Variants in ANKS1B observed in about 807,000 individuals in gnomAD.
The protein encoded by ANKS1B is ankyrin repeat and sterile alpha motif domain containing 1B.
ANKS1B carries 36 observed loss-of-function variants against 148.3 expected under a neutral mutation model. That is an observed-to-expected ratio of 0.24 (90% CI 0.19 to 0.32). ANKS1B has a LOEUF of 0.32. Among genes scored for constraint, ANKS1B ranks in the 10% least tolerant of loss-of-function variants. The probability of loss-of-function intolerance (pLI) is 1.00; values close to 1 mark genes in which losing one functional copy is unlikely to be tolerated. For missense variants in ANKS1B, 1,157 were observed against 1,542.6 expected (o/e 0.75, Z 4.19); for synonymous variants, 542 against 560.8 (o/e 0.97, Z 0.47).
At chr12:99,941,272 TAAG>T (rs2094911606) in intron 1 of ANKS1B, among the ~76,000 whole-genome samples, 1 of 151,984 alleles carries the variant, frequency 6.6e-6, no homozygotes, top group Admixed American at 6.6e-5. Flanking sequence ...TGGTTGGAAA[TAAG>T]GAGTCACTGA....
chr12:99,014,496 T>C (rs1426798366), intron 17 of ANKS1B, among the ~76,000 whole-genome samples: 3 of 152,102 alleles, frequency 2.0e-5, no homozygotes, highest in African/African-American at 4.8e-5. Flanking sequence ...TCAAAAGCAA[T>C]TGCAACAAAA....
chr12:99,933,404 T>G (rs1039214119), intron 1 of ANKS1B, among the ~76,000 whole-genome samples: 2 of 152,144 alleles, frequency 1.3e-5, no homozygotes, highest in Non-Finnish European at 2.9e-5. Context: ...CATGAAATAT[T>G]TTTCCATTTT....
chr12:98,779,795 T>G (rs984027830), intron 24 of ANKS1B, among the ~76,000 whole-genome samples: 3 of 152,218 alleles, frequency 2.0e-5, no homozygotes, highest in African/African-American at 7.2e-5. Context: ...TCAATCAGCA[T>G]TGTTCTTATT....
chr12:98,942,477 C>T (rs958439689), intron 17 of ANKS1B, among the ~76,000 whole-genome samples: 9 of 152,102 alleles, frequency 5.9e-5, no homozygotes, highest in African/African-American at 1.4e-4. Flanking sequence ...TGGCTTTCTC[C>T]GGAAATCCCT....
chr12:99,536,468 T>A (rs2097068169), intron 9 of ANKS1B, among the ~76,000 whole-genome samples: 1 of 152,228 alleles, frequency 6.6e-6, no homozygotes, highest in African/African-American at 2.4e-5. Flanking sequence ...TGTTCTTAGC[T>A]CCTTTCATGC....
intron 16 of ANKS1B, among the ~76,000 whole-genome samples, chr12:99,084,485 A>G (rs2153627325): frequency 6.6e-6 from 1 of 152,290 alleles, no homozygotes; most frequent in South Asian, 2.1e-4. Flanking sequence ...AGGTGGGTGG[A>G]TCACCTGAAG....
chr12:99,320,264 C>G (rs1472789942), intron 12 of ANKS1B, among the ~76,000 whole-genome samples: 1 of 152,200 alleles, frequency 6.6e-6, no homozygotes, highest in African/African-American at 2.4e-5. Flanking sequence ...GGAAGTTCTC[C>G]TGGATAATAT....
chr12:98,786,007 C>T (rs2098791148), intron 22 of ANKS1B, among the ~76,000 whole-genome samples: 1 of 152,072 alleles, frequency 6.6e-6, no homozygotes, highest in Admixed American at 6.6e-5. Flanking sequence ...CAAATTTACC[C>T]CCCTTCAGAG....
intron 1 of ANKS1B, among the ~76,000 whole-genome samples, chr12:99,944,549 T>C (rs936111537): frequency 2.0e-5 from 3 of 152,118 alleles, no homozygotes; most frequent in Admixed American, 6.5e-5. Context: ...ATAACCTACA[T>C]GTGTGGGGGA....
rs955959125 is a variant in ANKS1B, at chr12:98,822,225, A to T, written c.3066+6949T>A. On this transcript the variant is annotated intron_variant, in intron 19 of 26. Transcript: ENST00000683438. ...CTATACGCACAGAATTAACCAAGAC[A>T]GGGCCACACAAACAGCCCTATTTCT... 3.9e-5 allele frequency among the ~76,000 whole-genome samples: 6 copies of T among 152,312 alleles called. 1 individual carries two copies. The highest frequency in any genetic ancestry group is 1.9e-4 in the East Asian group (1 of 5,180).
At chr12:99,648,733 C>T (rs2098397984) in intron 9 of ANKS1B, 12 of 1,613,814 alleles carry the variant, frequency 7.4e-6, no homozygotes, top group Non-Finnish European at 1.0e-5. Flanking sequence ...CAGGGCTATC[C>T]TAGCTGGGAA....
intron 8 of ANKS1B, among the ~76,000 whole-genome samples, chr12:99,676,348 G>C (rs955871834): frequency 6.6e-6 from 1 of 152,064 alleles, no homozygotes; most frequent in Non-Finnish European, 1.5e-5. Flanking sequence ...ACACATCTCT[G>C]TATGACAGGT....
chr12:99,215,195 G>C (rs184351741), intron 14 of ANKS1B, among the ~76,000 whole-genome samples: 63 of 152,334 alleles, frequency 4.1e-4, no homozygotes, highest in Non-Finnish European at 1.0e-4. Flanking sequence ...GGGCCTGCAG[G>C]TGCACAGAAG....
chr12:98,813,213 GT>G (rs759520050), intron 19 of ANKS1B, among the ~76,000 whole-genome samples: 36 of 143,200 alleles, frequency 2.5e-4, no homozygotes, highest in Middle Eastern at 3.5e-3. Context: ...AAGTTTTTTT[GT>G]TTTTTTTTTT....
intron 14 of ANKS1B, among the ~76,000 whole-genome samples, chr12:99,241,013 C>A (rs1269824320): frequency 2.0e-5 from 3 of 152,030 alleles, no homozygotes; most frequent in South Asian, 2.1e-4. Context: ...CAAACAAATT[C>A]AAAAGCTAGC....
chr12:99,304,558 G>A (rs922881654), intron 12 of ANKS1B, among the ~76,000 whole-genome samples: 4 of 152,056 alleles, frequency 2.6e-5, no homozygotes, highest in African/African-American at 9.7e-5. Context: ...TGTTGTTCCT[G>A]CTGACAGCTT....
At chr12:99,282,345 T>C (rs2078578476) in intron 12 of ANKS1B, among the ~76,000 whole-genome samples, 1 of 152,136 alleles carries the variant, frequency 6.6e-6, no homozygotes, top group Admixed American at 6.6e-5. Flanking sequence ...TAGTAAGGGA[T>C]GAGATCAGCA....
chr12:98,901,869 T>A (rs1001983350), intron 17 of ANKS1B, among the ~76,000 whole-genome samples: 4 of 152,136 alleles, frequency 2.6e-5, no homozygotes, highest in African/African-American at 4.8e-5. Flanking sequence ...CTCTTCCTTA[T>A]ACTCAAGGCT....
At chr12:99,927,298 G>A (rs756856930) in intron 1 of ANKS1B, among the ~76,000 whole-genome samples, 1 of 152,130 alleles carries the variant, frequency 6.6e-6, no homozygotes, top group Non-Finnish European at 1.5e-5. Flanking sequence ...TTAGGTTTCA[G>A]TCAGTCACAA....
Sources: allele counts gnomAD v4.1 joint callset (sites outside exome capture counted in the v4.1 genomes callset), GRCh38; gene constraint gnomAD v4.1.1; transcripts MANE v1.5; gene names NCBI Gene and HGNC (gene_info 2026-07-23, HGNC 2026-07-21).